The following EFHC1 variants were observed in gnomAD, a reference collection of about 807,000 sequenced individuals.
EFHC1 encodes EF-hand domain-containing protein 1.
A neutral mutation model predicts 69.9 loss-of-function variants in EFHC1; 53 were observed. That is an observed-to-expected ratio of 0.76 (90% confidence interval 0.61 to 0.95). The LOEUF (loss-of-function observed/expected upper bound fraction) is 0.95. Ranked by LOEUF, EFHC1 falls within the 40% of genes least tolerant of loss-of-function variation. The pLI is 0.00. For synonymous variants in EFHC1, 256 were observed against 278.4 expected (o/e 0.92, Z 0.80); for missense variants, 739 against 798.7 (o/e 0.93, Z 0.90).
chr6:52,481,866 C>G (rs996414559), intron 9 of EFHC1: 1 of 152,056 alleles, frequency 6.6e-6, no homozygotes, highest in African/African-American at 2.4e-5. Flanking sequence ...GCTCTAAGAA[C>G]TAAGCTCTGG....
intron 2 of EFHC1, 95 bp from the exon 3 acceptor site, chr6:52,438,209 C>G: frequency 8.4e-7 from 1 of 1,195,724 alleles, no homozygotes; most frequent in South Asian, 1.3e-5. Context: ...TAAAATCTCC[C>G]TGTGTGGTTC....
intron 6 of EFHC1, among the ~76,000 whole-genome samples, chr6:52,466,615 T>C (rs1765312224): frequency 6.6e-6 from 1 of 152,354 alleles, no homozygotes; most frequent in South Asian, 2.1e-4. Flanking sequence ...CCAAGGACTA[T>C]GTCCTATTCA....
At chr6:52,466,566 C>G (rs1765311130) in intron 6 of EFHC1, among the ~76,000 whole-genome samples, 1 of 152,126 alleles carries the variant, frequency 6.6e-6, no homozygotes, top group Admixed American at 6.5e-5. Context: ...AAATTATCTG[C>G]TAGTGAATAT....
intron 5 of EFHC1, among the ~76,000 whole-genome samples, chr6:52,458,821 C>A (rs1267413579): frequency 6.6e-6 from 1 of 152,180 alleles, no homozygotes; most frequent in South Asian, 2.1e-4. Flanking sequence ...TATTGCAGCA[C>A]TGTTCACAAT....
chr6:52,443,074 A>G lies in EFHC1; in HGVS notation c.573+4483A>G, dbSNP rs1764701699. Among the ~76,000 whole-genome samples the G allele has an allele frequency of 2.0e-5, 3 of 152,230 alleles. No homozygotes were observed. The South Asian group carries it at 6.2e-4, about 31-fold the overall frequency. On this transcript the variant is annotated intron_variant, in intron 3 of 10. Coordinates refer to ENST00000371068, the MANE Select transcript of EFHC1 (RefSeq NM_018100.4). Reference sequence around the variant, plus strand: ...ATTTTTTCACGTATCTGTTGGCTGCATAAATGTCTTCTTTTGAGAAGTGTC... The same window carrying G: ...ATTTTTTCACGTATCTGTTGGCTGCGTAAATGTCTTCTTTTGAGAAGTGTC...
chr6:52,450,823 G>C (rs1764899738), intron 3 of EFHC1, among the ~76,000 whole-genome samples: 1 of 152,090 alleles, frequency 6.6e-6, no homozygotes, highest in Non-Finnish European at 1.5e-5. Flanking sequence ...TTTTGAGACA[G>C]AATCTCACTT....
At chr6:52,433,832 C>G (rs565007644) in intron 2 of EFHC1, among the ~76,000 whole-genome samples, 1 of 152,058 alleles carries the variant, frequency 6.6e-6, no homozygotes, top group African/African-American at 2.4e-5. Context: ...CTCAGACTCT[C>G]CTTGGGCAGG....
chr6:52,453,763 A>G, intron 4 of EFHC1: 1 of 1,246,630 alleles, frequency 8.0e-7, no homozygotes, highest in South Asian at 1.4e-5. Flanking sequence ...CTTTATTAAT[A>G]TATATATACC....
chr6:52,452,844 G>A lies in EFHC1; in HGVS notation c.723+7G>A. On this transcript the variant is annotated splice_region_variant and intron_variant, in intron 4 of 10. Transcript: ENST00000371068. ...TCTCACCTTTGACAAACAGGTAAGT[G>A]ACATAGGAACCACAATAGGCTTACT... 1 of 1,614,044 alleles carries A rather than the reference G, an allele frequency of 6.2e-7. No homozygotes were observed. The highest frequency in any genetic ancestry group is 8.5e-7 in the Non-Finnish European group (1 of 1,180,018).
chr6:52,467,666 C>G lies in EFHC1; in HGVS notation c.1138-1667C>G, dbSNP rs184560778. Reference sequence around the variant, plus strand: ...ATTTTGGTTGGTTGTTTTGCTCTATCCCAGCCCTTTTGTATAATAAAACTA... The same window carrying G: ...ATTTTGGTTGGTTGTTTTGCTCTATGCCAGCCCTTTTGTATAATAAAACTA... On this transcript the variant is annotated intron_variant, in intron 6 of 10. Coordinates refer to ENST00000371068, the MANE Select transcript of EFHC1 (RefSeq NM_018100.4). Among the ~76,000 whole-genome samples, 6 of 152,294 alleles carry G rather than the reference C, an allele frequency of 3.9e-5. No individual in the cohort carries two copies. In the East Asian group the frequency reaches 1.2e-3, roughly 29 times the overall value.
At chr6:52,435,468 T>C (rs1764510915) in intron 2 of EFHC1, among the ~76,000 whole-genome samples, 1 of 152,208 alleles carries the variant, frequency 6.6e-6, no homozygotes, top group Non-Finnish European at 1.5e-5. Flanking sequence ...AAACTCACCA[T>C]CTGCCATACC....
intron 7 of EFHC1, among the ~76,000 whole-genome samples, chr6:52,475,508 G>C (rs1765527076): frequency 6.6e-6 from 1 of 152,150 alleles, no homozygotes; most frequent in South Asian, 2.1e-4. Flanking sequence ...AGCTTTCGAA[G>C]AACAGAAACA....
Position 52,453,315 on chromosome 6 carries a change from A to G in EFHC1, c.723+478A>G, listed in dbSNP as rs750190484. 3.9e-5 allele frequency: 50 copies of G among 1,287,300 alleles called. No homozygotes were observed. The Middle Eastern group carries it at 1.6e-3, about 42-fold the overall frequency. The allele number at this position is 1,287,300 out of a possible 1,614,324, so 79.7% of individuals were successfully genotyped here. ...TTGTTAAATGTTATATTAATATTGGAGTCCAGAATGTTCTGAGCATTTTCC... is the reference window on the plus strand; with the variant it reads ...TTGTTAAATGTTATATTAATATTGGGGTCCAGAATGTTCTGAGCATTTTCC... On this transcript the variant is annotated intron_variant, in intron 4 of 10. Coordinates refer to ENST00000371068, the MANE Select transcript of EFHC1 (RefSeq NM_018100.4).
At chr6:52,420,917 G>T in intron 1 of EFHC1, 1 of 786,340 alleles carries the variant, frequency 1.3e-6, no homozygotes, top group Non-Finnish European at 1.7e-6. Context: ...AAAACCCCCC[G>T]CCACTATGCA....
rs1330745486 is a variant in EFHC1, at chr6:52,494,331, G to A, written c.*1990G>A. ...GTCCTTCCCCCAGGCTTAGAAGCCT[G>A]TGGTAAAGAGTGTGTGTATACTGGG... On this transcript the variant is annotated 3_prime_UTR_variant, in exon 11 of 11. Coordinates refer to ENST00000371068, the MANE Select transcript of EFHC1 (RefSeq NM_018100.4). The A allele has an allele frequency of 2.2e-6, 1 of 454,124 alleles. No individual in the cohort carries two copies. Among genetic ancestry groups the A allele is most frequent in the Non-Finnish European group, 4.4e-6 (1 of 226,798 alleles). The allele number at this position is 454,124 out of a possible 1,614,324, so 28.1% of individuals were successfully genotyped here. A position where few individuals can be genotyped will look rare whatever the true frequency, so the allele number is the denominator to read the frequency against.
chr6:52,469,277 T>C lies in EFHC1; in HGVS notation c.1138-56T>C, dbSNP rs183278510. 77 of 1,606,842 alleles carry C rather than the reference T, an allele frequency of 4.8e-5. No homozygotes were observed. In the Admixed American group the frequency reaches 7.2e-4, roughly 15 times the overall value. ...TCTTTAAACTTATAGTTACCTTTAA[T>C]GTAATCTTAACACAAGTAGTATCTG... is the stretch of plus-strand genomic sequence containing the variant. On this transcript the variant is annotated intron_variant, in intron 6 of 10. Transcript: ENST00000371068.
At chr6:52,449,103 G>A (rs771390086) in intron 3 of EFHC1, among the ~76,000 whole-genome samples, 10 of 152,158 alleles carry the variant, frequency 6.6e-5, no homozygotes, top group Non-Finnish European at 1.5e-4. Flanking sequence ...CCAGCTCTTG[G>A]CTGGGTGCGG....
chr6:52,496,345 T>A lies in EFHC1; in HGVS notation c.*4004T>A, dbSNP rs900714598. On this transcript the variant is annotated 3_prime_UTR_variant, in exon 11 of 11. Coordinates refer to ENST00000371068, the MANE Select transcript of EFHC1 (RefSeq NM_018100.4). ...GCTTTGGGACTAATAAAAATCTGCCTTGCGGGTAAAGATGGGCTGTGAGTT... is the reference window on the plus strand; with the variant it reads ...GCTTTGGGACTAATAAAAATCTGCCATGCGGGTAAAGATGGGCTGTGAGTT... 1.3e-5 allele frequency: 2 copies of A among 152,314 alleles called. No individual in the cohort carries two copies. The highest frequency in any genetic ancestry group is 2.4e-5 in the African/African-American group (1 of 41,432). 9.4% of individuals were successfully genotyped at this position (152,314 alleles called of 1,614,324 possible).
chr6:52,446,206 T>C (rs1251804981), intron 3 of EFHC1, among the ~76,000 whole-genome samples: 1 of 152,250 alleles, frequency 6.6e-6, no homozygotes, highest in Non-Finnish European at 1.5e-5. Context: ...AGTCTCTTTG[T>C]ATGTCACTAA....
Sources: gnomAD v4.1 joint callset for allele counts (sites outside exome capture counted in the v4.1 genomes callset) on GRCh38, gnomAD v4.1.1 for gene constraint, MANE v1.5 for transcripts, NCBI Gene and HGNC (gene_info 2026-07-23, HGNC 2026-07-21) for gene names.